The following CTNND2 variants were observed in gnomAD, a reference collection of about 807,000 sequenced individuals.
CTNND2 encodes the protein catenin delta 2.
CTNND2 carries 22 observed loss-of-function variants against 144.4 expected under a neutral mutation model. The ratio of observed to expected loss-of-function variants is 0.15; its 90% CI spans 0.11 to 0.22. The LOEUF is 0.22. Ranked by LOEUF, CTNND2 falls within the 10% of genes least tolerant of loss-of-function variation. The pLI is 1.00. For synonymous variants in CTNND2, 751 were observed against 695.6 expected, an observed-to-expected ratio of 1.08 and a Z score of -1.25; for missense variants, 1,353 against 1,618.8, an observed-to-expected ratio of 0.84 and a Z score of 2.82.
At chr5:11,805,383 T>C (rs1296259047) in intron 1 of CTNND2, among the ~76,000 whole-genome samples, 1 of 152,122 alleles carries the variant, frequency 6.6e-6, no homozygotes, top group African/African-American at 2.4e-5. Context: ...CAAGCACATC[T>C]ACCACCCTTG....
rs115736945 is a variant in CTNND2, at chr5:11,226,818, G to A, written c.1761+9873C>T. Among the ~76,000 whole-genome samples the A allele has an allele frequency of 6.5e-3, 984 of 152,278 alleles. 12 individuals are homozygous for A. Among genetic ancestry groups the A allele is most frequent in the African/African-American group, 0.022 (903 of 41,560 alleles). On this transcript the variant is annotated intron_variant, in intron 10 of 21. Transcript: ENST00000304623. ...TTTATTGTTGCTTCCCCCTACTCATGGGGGTCTATTTTGTTCACTGCTGGA... is the reference window on the plus strand; with the variant it reads ...TTTATTGTTGCTTCCCCCTACTCATAGGGGTCTATTTTGTTCACTGCTGGA...
Position 11,829,044 on chromosome 5 carries a change from T to C in CTNND2, c.37+74773A>G, listed in dbSNP as rs183432413. Among the ~76,000 whole-genome samples the C allele has an allele frequency of 2.6e-5, 4 of 152,158 alleles. No individual in the cohort carries two copies. The East Asian group carries it at 7.8e-4, about 30-fold the overall frequency. On this transcript the variant is annotated intron_variant, in intron 1 of 21. Transcript: ENST00000304623. Reference sequence around the variant, plus strand: ...TGGCATTTTGTCCCTGCCCTAGAGATTTGTGGAACTTCGAACTTCAGAAAG... The same window carrying C: ...TGGCATTTTGTCCCTGCCCTAGAGACTTGTGGAACTTCGAACTTCAGAAAG...
chr5:11,477,608 T>C (rs1767878784), intron 3 of CTNND2, among the ~76,000 whole-genome samples: 1 of 152,010 alleles, frequency 6.6e-6, no homozygotes, highest in Non-Finnish European at 1.5e-5. Context: ...AGACACAGGG[T>C]TTCACTATGT....
intron 9 of CTNND2, among the ~76,000 whole-genome samples, chr5:11,237,346 G>C (rs1432306453): frequency 6.6e-6 from 1 of 151,976 alleles, no homozygotes; most frequent in African/African-American, 2.4e-5. Context: ...GTGCAAACGT[G>C]TATACTACAT....
rs575555052 is a variant in CTNND2, at chr5:11,127,396, AG to A, written c.2160-9830del. On this transcript the variant is annotated intron_variant, in intron 12 of 21. Transcript: ENST00000304623. ...CAGTTCTGTCCTTGTCGTTCTGTGC[AG>A]GTGGAAATGTGTGACGTTTGCACGA... Among the ~76,000 whole-genome samples the A allele has an allele frequency of 1.9e-3, 297 of 152,334 alleles. 3 individuals are homozygous for A. Among genetic ancestry groups the A allele is most frequent in the Middle Eastern group, 6.8e-3 (2 of 294 alleles).
intron 3 of CTNND2, among the ~76,000 whole-genome samples, chr5:11,515,083 C>T (rs1266406211): frequency 3.0e-5 from 4 of 135,542 alleles, no homozygotes; most frequent in Non-Finnish European, 6.1e-5. Flanking sequence ...GGCAAACAAA[C>T]GAAAACATGC....
Position 11,654,090 on chromosome 5 carries a change from T to C in CTNND2, c.174+78046A>G, listed in dbSNP as rs1390442901. On this transcript the variant is annotated intron_variant, in intron 2 of 21. Transcript: ENST00000304623. The stretch of plus-strand genomic sequence containing the variant: ...TTTCTGGGATCTCTATTCTGTTCCA[T>C]TAGTCTTTGTGTCTGTTTTTATGCC... Among the ~76,000 whole-genome samples, 4 of 152,072 alleles carry C rather than the reference T, an allele frequency of 2.6e-5. No homozygotes were observed. In the East Asian group the frequency reaches 5.8e-4, roughly 22 times the overall value.
intron 11 of CTNND2, among the ~76,000 whole-genome samples, 180 bp downstream of exon 11, chr5:11,199,268 C>T (rs778710813): frequency 6.6e-6 from 1 of 152,126 alleles, no homozygotes; most frequent in Non-Finnish European, 1.5e-5. Context: ...GAATATGAAT[C>T]CATGCATGTC....
chr5:11,085,759 T>C (rs115147223), intron 15 of CTNND2, among the ~76,000 whole-genome samples: 2,141 of 152,262 alleles, frequency 0.014, 55 homozygotes, highest in African/African-American at 0.049. Flanking sequence ...AAGCAAGAGA[T>C]GCGGCAGCAC....
intron 9 of CTNND2, among the ~76,000 whole-genome samples, chr5:11,294,963 T>A (rs532319943): frequency 6.6e-6 from 1 of 152,098 alleles, no homozygotes; most frequent in Non-Finnish European, 1.5e-5. Flanking sequence ...TTCAACATAG[T>A]GTTGGAAGTT....
At chr5:11,179,289 T>C (rs1435755542) in intron 11 of CTNND2, among the ~76,000 whole-genome samples, 2 of 151,028 alleles carry the variant, frequency 1.3e-5, no homozygotes, top group Non-Finnish European at 2.9e-5. Context: ...CGAGACTCCA[T>C]CTCAAAAAAA....
Position 11,727,390 on chromosome 5 carries a change from T to G in CTNND2, c.174+4746A>C, listed in dbSNP as rs569923100. 3.5e-4 allele frequency among the ~76,000 whole-genome samples: 54 copies of G among 152,286 alleles called. No homozygotes were observed. In the South Asian group the frequency reaches 0.011, roughly 31 times the overall value. ...TCCCCCTTCCTTGTTATAAACCATA[T>G]CATGTGTCATGACCCAGTTCCACGG... On this transcript the variant is annotated intron_variant, in intron 2 of 21. Coordinates refer to ENST00000304623, the MANE Select transcript of CTNND2 (RefSeq NM_001332.4).
At chr5:11,531,428 C>T (rs971470771) in intron 3 of CTNND2, among the ~76,000 whole-genome samples, 4 of 152,082 alleles carry the variant, frequency 2.6e-5, no homozygotes, top group African/African-American at 9.7e-5. Context: ...GAGTTCGAGG[C>T]CAGCCTGGCC....
intron 10 of CTNND2, among the ~76,000 whole-genome samples, chr5:11,231,454 C>G (rs1260067358): frequency 6.6e-6 from 1 of 152,190 alleles, no homozygotes; most frequent in African/African-American, 2.4e-5. Flanking sequence ...GAAGTCCAGG[C>G]TGAGGTGGTC....
intron 3 of CTNND2, among the ~76,000 whole-genome samples, chr5:11,431,552 GCTT>G (rs1383296310): frequency 1.3e-5 from 2 of 152,148 alleles, no homozygotes; most frequent in African/African-American, 2.4e-5. Flanking sequence ...ATGACCGAAT[GCTT>G]CTTCTTGGCA....
chr5:11,610,561 G>A (rs1004876184), intron 2 of CTNND2, among the ~76,000 whole-genome samples: 1 of 152,124 alleles, frequency 6.6e-6, no homozygotes, highest in Non-Finnish European at 1.5e-5. Context: ...GGAACCCACC[G>A]TCCAATAAGA....
At chr5:11,698,123 G>A (rs1183925589) in intron 2 of CTNND2, among the ~76,000 whole-genome samples, 1 of 152,088 alleles carries the variant, frequency 6.6e-6, no homozygotes, top group African/African-American at 2.4e-5. Context: ...AAGAACAAAG[G>A]TGGCTTAGAC....
At chr5:11,557,793 A>G (rs1776350869) in intron 3 of CTNND2, among the ~76,000 whole-genome samples, 1 of 152,196 alleles carries the variant, frequency 6.6e-6, no homozygotes, top group Non-Finnish European at 1.5e-5. Context: ...ACACCTTAGA[A>G]TTCTGCCTAC....
At chr5:11,345,235 T>C (rs1754652615) in intron 9 of CTNND2, among the ~76,000 whole-genome samples, 1 of 152,296 alleles carries the variant, frequency 6.6e-6, no homozygotes, top group Admixed American at 6.5e-5. Context: ...AAGAGTGCTG[T>C]TGAGACTGAA....
Sources: gnomAD v4.1 joint callset for allele counts (sites outside exome capture counted in the v4.1 genomes callset) on GRCh38, gnomAD v4.1.1 for gene constraint, MANE v1.5 for transcripts, NCBI Gene and HGNC (gene_info 2026-07-23, HGNC 2026-07-21) for gene names.